RAB11FIP4: variants seen among roughly 807,000 people sequenced by gnomAD.
RAB11FIP4 encodes rab11 family-interacting protein 4.
Under a neutral mutation model 74.3 loss-of-function variants are expected in RAB11FIP4, and 23 were observed. That is an observed-to-expected ratio of 0.31 (90% CI 0.22 to 0.44). The LOEUF (loss-of-function observed/expected upper bound fraction) is 0.44. Among genes scored for constraint, RAB11FIP4 ranks in the 20% least tolerant of loss-of-function variants. The probability of loss-of-function intolerance (pLI) is 1.00; values close to 1 mark genes in which losing one functional copy is unlikely to be tolerated. For missense variants in RAB11FIP4, 630 were observed against 863.9 expected (o/e 0.73, Z 3.39); for synonymous variants, 360 against 359.9 (o/e 1.00, Z 0.00).
intron 3 of RAB11FIP4, among the ~76,000 whole-genome samples, chr17:31,493,426 A>G (rs772386495): frequency 5.3e-5 from 8 of 150,704 alleles, no homozygotes; most frequent in Non-Finnish European, 1.2e-4. Flanking sequence ...CAAGCCTGAT[A>G]CCATGGAAAG....
intron 1 of RAB11FIP4, among the ~76,000 whole-genome samples, chr17:31,394,481 T>G (rs562506707): frequency 1.3e-5 from 2 of 152,370 alleles, no homozygotes; most frequent in African/African-American, 4.8e-5. Context: ...TAGTCTCTCT[T>G]ACTGTACACA....
rs532660398 is a variant in RAB11FIP4, at chr17:31,521,603, T to C, written c.758+243T>C. On this transcript the variant is annotated intron_variant, in intron 5 of 14. Transcript: ENST00000621161. The stretch of plus-strand genomic sequence containing the variant: ...GGGGCCACGGGGCTCTGTGTCATCT[T>C]GTATCCTAGAACCTCAGTGTTGAAG... Among the ~76,000 whole-genome samples the C allele has an allele frequency of 3.3e-5, 5 of 152,176 alleles. No individual in the cohort carries two copies. In the East Asian group the frequency reaches 9.6e-4, roughly 29 times the overall value.
intron 1 of RAB11FIP4, among the ~76,000 whole-genome samples, chr17:31,410,539 C>A (rs534670658): frequency 6.6e-5 from 10 of 152,108 alleles, no homozygotes; most frequent in African/African-American, 2.4e-4. Context: ...CATGGTGAAA[C>A]CCTGTCTCTA....
chr17:31,421,510 A>G (rs2071199081), intron 1 of RAB11FIP4, among the ~76,000 whole-genome samples: 1 of 144,080 alleles, frequency 6.9e-6, no homozygotes, highest in African/African-American at 2.6e-5. Context: ...TGAGCCACTG[A>G]GCCCTGAGAC....
At chr17:31,466,181 A>G (rs1674128198) in intron 3 of RAB11FIP4, among the ~76,000 whole-genome samples, 1 of 151,874 alleles carries the variant, frequency 6.6e-6, no homozygotes, top group African/African-American at 2.4e-5. Flanking sequence ...TGACTAATCT[A>G]CTTCATTTAC....
chr17:31,478,494 G>A (rs1187812771), intron 3 of RAB11FIP4, among the ~76,000 whole-genome samples: 1 of 152,168 alleles, frequency 6.6e-6, no homozygotes, highest in Non-Finnish European at 1.5e-5. Flanking sequence ...TCCTGCAGAG[G>A]TGCCTGTGAC....
At chr17:31,477,540 C>T (rs1437145879) in intron 3 of RAB11FIP4, among the ~76,000 whole-genome samples, 2 of 152,246 alleles carry the variant, frequency 1.3e-5, no homozygotes, top group Non-Finnish European at 2.9e-5. Context: ...GCGTCAGAGG[C>T]GCCTGGACAG....
At chr17:31,508,028 A>G (rs1157092622) in intron 3 of RAB11FIP4, among the ~76,000 whole-genome samples, 1 of 152,092 alleles carries the variant, frequency 6.6e-6, no homozygotes, top group Non-Finnish European at 1.5e-5. Context: ...GGGTTTCACC[A>G]TGTTTCCTAT....
intron 11 of RAB11FIP4, 58 bp from the exon 12 acceptor site, chr17:31,528,348 G>C (rs2072804373): frequency 1.9e-6 from 3 of 1,578,566 alleles, no homozygotes; most frequent in Admixed American, 1.8e-5. Context: ...GACACCCCTG[G>C]ACATAGTGAG....
Position 31,517,805 on chromosome 17 carries a change from G to C in RAB11FIP4, c.491G>C (p.Ser164Thr). Residue 164 changes from serine (S) to threonine (T), a missense_variant, in exon 4 of 15, where the codon AGC becomes ACC. Ser to Thr is a moderately conservative substitution (Grantham distance 58). Transcript: ENST00000621161. ...YTDSPMESTQ[S>T]LEGSVGSPAE... ...GACAGCCCCATGGAGAGCACTCAGAGCCTGGAGGGGTCTGTCGGGAGTCCT... is the reference window on the plus strand; with the variant it reads ...GACAGCCCCATGGAGAGCACTCAGACCCTGGAGGGGTCTGTCGGGAGTCCT... The C allele has an allele frequency of 6.4e-7, 1 of 1,554,240 alleles. No homozygotes were observed. The highest frequency in any genetic ancestry group is 8.7e-7 in the Non-Finnish European group (1 of 1,148,282).
chr17:31,475,240 T>G (rs1489359958), intron 3 of RAB11FIP4, among the ~76,000 whole-genome samples: 1 of 152,014 alleles, frequency 6.6e-6, no homozygotes, highest in African/African-American at 2.4e-5. Context: ...TCACTGGCTG[T>G]GAGTGAGTGG....
At chr17:31,428,531 T>C (rs2071275620) in intron 1 of RAB11FIP4, among the ~76,000 whole-genome samples, 1 of 151,978 alleles carries the variant, frequency 6.6e-6, no homozygotes, top group South Asian at 2.1e-4. Context: ...TAGATACTGA[T>C]GGTGATTATT....
chr17:31,528,562 G>A lies in RAB11FIP4; in HGVS notation c.1494+19G>A. The stretch of plus-strand genomic sequence containing the variant: ...GCAGGAGGTAGGTCCCAGGCCAGCA[G>A]GCACCAGGGCTCCTTCCAGCATCCC... On this transcript the variant is annotated intron_variant, in intron 12 of 14. Coordinates refer to ENST00000621161, the MANE Select transcript of RAB11FIP4 (RefSeq NM_032932.6). 2 of 1,613,590 alleles carry A rather than the reference G, an allele frequency of 1.2e-6. No individual in the cohort carries two copies. The highest frequency in any genetic ancestry group is 2.2e-5 in the South Asian group (2 of 91,078).
chr17:31,454,661 A>C (rs2142708013), intron 3 of RAB11FIP4, among the ~76,000 whole-genome samples: 1 of 152,174 alleles, frequency 6.6e-6, no homozygotes, highest in Non-Finnish European at 1.5e-5. Context: ...AGGCAGGTGG[A>C]TCGCTTGAGG....
chr17:31,405,691 T>C (rs1042798184), intron 1 of RAB11FIP4, among the ~76,000 whole-genome samples: 1 of 152,240 alleles, frequency 6.6e-6, no homozygotes, highest in Admixed American at 6.5e-5. Context: ...TATCAAATAT[T>C]GTTCTTGATA....
chr17:31,439,049 G>A (rs2071385965), intron 3 of RAB11FIP4, among the ~76,000 whole-genome samples: 1 of 152,110 alleles, frequency 6.6e-6, no homozygotes, highest in Non-Finnish European at 1.5e-5. Context: ...CTTCCTGGGG[G>A]CCCTTCACCC....
At chr17:31,419,026 CAT>C (rs1239039474) in intron 1 of RAB11FIP4, among the ~76,000 whole-genome samples, 1 of 152,182 alleles carries the variant, frequency 6.6e-6, no homozygotes, top group East Asian at 1.9e-4. Context: ...TAAATGGAAT[CAT>C]ACAGTTTGTA....
rs769482858 is a variant in RAB11FIP4 at position 31,527,880 on chromosome 17, C to G, written c.1313C>G (p.Thr438Arg). 1.2e-6 allele frequency: 2 copies of G among 1,606,916 alleles called. No individual in the cohort carries two copies. Among genetic ancestry groups the G allele is most frequent in the Non-Finnish European group, 1.7e-6 (2 of 1,176,964 alleles). The change falls in exon 11 of 15, where the codon ACA becomes AGA. Residue 438 changes from threonine to arginine, a missense_variant. By Grantham distance (71) the Thr-to-Arg change is moderately conservative. Coordinates refer to ENST00000621161, the MANE Select transcript of RAB11FIP4 (RefSeq NM_032932.6). ...GAGGAAGAAAATACAGAGCTTAGAA[C>G]AACAGTGACTCGGCTCAAGTCTCAA... is the stretch of plus-strand genomic sequence containing the variant. ...QLEEENTELRTTVTRLKSQTE... is the reference protein window; with the variant it reads ...QLEEENTELRRTVTRLKSQTE...
intron 3 of RAB11FIP4, among the ~76,000 whole-genome samples, chr17:31,492,273 C>A (rs1014895300): frequency 2.0e-5 from 3 of 152,204 alleles, no homozygotes; most frequent in African/African-American, 7.2e-5. Context: ...GGAGTCACTC[C>A]CACATTTGAG....
Sources: allele counts gnomAD v4.1 joint callset (sites outside exome capture counted in the v4.1 genomes callset), GRCh38; gene constraint gnomAD v4.1.1; transcripts MANE v1.5; gene names NCBI Gene and HGNC (gene_info 2026-07-23, HGNC 2026-07-21).